MYRIP: variants seen among roughly 807,000 people sequenced by gnomAD.
The protein encoded by MYRIP is myosin VIIA and Rab interacting protein.
A neutral mutation model predicts 98.0 loss-of-function variants in MYRIP; 49 were observed. That is an observed-to-expected ratio of 0.50 (90% CI 0.40 to 0.63). The LOEUF (loss-of-function observed/expected upper bound fraction) is 0.63, where lower values mean the gene tolerates loss of function less well. MYRIP is among the 30% of genes least tolerant of loss of function. The pLI is 0.00. For missense variants in MYRIP, 1,004 were observed against 1,058.2 expected (o/e 0.95, Z 0.71); for synonymous variants, 404 against 409.5 (o/e 0.99, Z 0.16).
At chr3:40,135,685 T>A (rs1395294120) in intron 3 of MYRIP, among the ~76,000 whole-genome samples, 5 of 152,244 alleles carry the variant, frequency 3.3e-5, no homozygotes, top group Non-Finnish European at 7.3e-5. Flanking sequence ...AGCTGATCTC[T>A]CCGCAGAAAC....
At chr3:40,226,042 C>T (rs1029440530) in intron 11 of MYRIP, among the ~76,000 whole-genome samples, 1 of 152,144 alleles carries the variant, frequency 6.6e-6, no homozygotes, top group South Asian at 2.1e-4. Flanking sequence ...CTGTCACCAA[C>T]TTCTTGATTG....
rs7428174 is a variant in MYRIP, at chr3:40,256,885, G to A, written c.2548-1249G>A. On this transcript the variant is annotated intron_variant, in intron 16 of 16. Coordinates refer to ENST00000302541, the MANE Select transcript of MYRIP (RefSeq NM_015460.4). Reference sequence around the variant, plus strand: ...AACCTCAATCATGAAAGCCTGCTCCGTGGCTGGTAAGCATGTATACATGTT... The same window carrying A: ...AACCTCAATCATGAAAGCCTGCTCCATGGCTGGTAAGCATGTATACATGTT... 4.5e-3 allele frequency among the ~76,000 whole-genome samples: 686 copies of A among 152,104 alleles called. 28 individuals are homozygous for A. The East Asian group carries it at 0.11, about 24-fold the overall frequency.
chr3:40,248,382 C>T (rs1953269185), intron 13 of MYRIP: 1 of 152,232 alleles, frequency 6.6e-6, no homozygotes, highest in Non-Finnish European at 1.5e-5. Context: ...ATCTTGTGGA[C>T]ATGGAGCTCT....
rs1191047874 is a variant in MYRIP, at chr3:40,166,834, T to C, written c.551-12T>C. 1.9e-6 allele frequency: 3 copies of C among 1,575,528 alleles called. No individual in the cohort carries two copies. Among genetic ancestry groups the C allele is most frequent in the African/African-American group, 1.3e-5 (1 of 74,258 alleles). On this transcript the variant is annotated splice_polypyrimidine_tract_variant and intron_variant, in intron 5 of 16. Transcript: ENST00000302541. Reference sequence around the variant, plus strand: ...CCTTTTAGAAATGCTCTTTGTTCTGTTTCCTGTCTAGGACATAGTGTGATG... The same window carrying C: ...CCTTTTAGAAATGCTCTTTGTTCTGCTTCCTGTCTAGGACATAGTGTGATG...
chr3:39,991,211 G>A (rs1031641444), intron 2 of MYRIP, among the ~76,000 whole-genome samples: 12 of 152,142 alleles, frequency 7.9e-5, no homozygotes, highest in Admixed American at 5.9e-4. Context: ...TGTCTGCCTC[G>A]ATAAGCTTCT....
chr3:40,108,830 A>C (rs1949102753), intron 3 of MYRIP, among the ~76,000 whole-genome samples: 3 of 152,148 alleles, frequency 2.0e-5, no homozygotes, highest in African/African-American at 7.2e-5. Flanking sequence ...GAGACTGCCA[A>C]TTCCTAGAGA....
At chr3:40,086,263 G>A (rs571707618) in intron 3 of MYRIP, among the ~76,000 whole-genome samples, 4 of 152,262 alleles carry the variant, frequency 2.6e-5, no homozygotes, top group African/African-American at 7.2e-5. Context: ...AACTTCTCAC[G>A]GTCTGAAAGG....
intron 3 of MYRIP, among the ~76,000 whole-genome samples, chr3:40,112,593 G>A (rs927128809): frequency 1.3e-5 from 2 of 152,156 alleles, no homozygotes; most frequent in Non-Finnish European, 2.9e-5. Flanking sequence ...GCCTGAGCTC[G>A]CATGATCCAA....
intron 3 of MYRIP, among the ~76,000 whole-genome samples, chr3:40,150,343 G>A (rs1454995531): frequency 2.0e-5 from 3 of 152,000 alleles, no homozygotes; most frequent in Non-Finnish European, 2.9e-5. Context: ...CACCTGCCTC[G>A]GCCTTCCAAA....
At chr3:40,028,097 C>T (rs917414443) in intron 2 of MYRIP, among the ~76,000 whole-genome samples, 4 of 152,158 alleles carry the variant, frequency 2.6e-5, no homozygotes, top group Non-Finnish European at 5.9e-5. Flanking sequence ...ATGGCAGACA[C>T]TGCTACCTCA....
chr3:40,023,511 CTG>C (rs1947048641), intron 2 of MYRIP, among the ~76,000 whole-genome samples: 4 of 24 alleles, frequency 0.17, no homozygotes, highest in African/African-American at 0.25. Context: ...GATGACATCA[CTG>C]CTGCTGCTGC....
At chr3:39,926,436 C>G (rs901675085) in intron 2 of MYRIP, among the ~76,000 whole-genome samples, 1 of 151,834 alleles carries the variant, frequency 6.6e-6, no homozygotes, top group African/African-American at 2.4e-5. Context: ...TGGTGTTTCC[C>G]AGGTTTTCTT....
Position 40,259,965 on chromosome 3 carries a change from C to CA in MYRIP, c.*1805dup, listed in dbSNP as rs1023175454. ...ATGTGTACTGTGTAAGCCTTGCAAA[C>CA]AAAAAACAACAAAAAAGAAGCAGCA... On this transcript the variant is annotated 3_prime_UTR_variant, in exon 17 of 17. Coordinates refer to ENST00000302541, the MANE Select transcript of MYRIP (RefSeq NM_015460.4). 7.4e-5 allele frequency: 11 copies of CA among 147,712 alleles called. No individual in the cohort carries two copies. The highest frequency in any genetic ancestry group is 1.3e-4 in the Non-Finnish European group (9 of 67,864). 9.2% of individuals were successfully genotyped at this position (147,712 alleles called of 1,614,324 possible).
At chr3:40,011,640 G>A (rs1380003967) in intron 2 of MYRIP, among the ~76,000 whole-genome samples, 1 of 152,156 alleles carries the variant, frequency 6.6e-6, no homozygotes, top group Non-Finnish European at 1.5e-5. Context: ...GCAGCTGAAG[G>A]CAAACACAGT....
chr3:40,005,726 G>C (rs778888649), intron 2 of MYRIP, among the ~76,000 whole-genome samples: 1 of 152,128 alleles, frequency 6.6e-6, no homozygotes, highest in Admixed American at 6.5e-5. Context: ...CCCGTCTTTT[G>C]AGTATCTTGT....
chr3:39,898,624 G>A (rs1427742596), intron 1 of MYRIP, among the ~76,000 whole-genome samples: 1 of 152,078 alleles, frequency 6.6e-6, no homozygotes, highest in East Asian at 1.9e-4. Flanking sequence ...TCAAATCCCA[G>A]GTTGCCATTG....
intron 2 of MYRIP, among the ~76,000 whole-genome samples, chr3:39,919,696 GTGT>G (rs1559522267): frequency 8.9e-5 from 6 of 67,284 alleles, no homozygotes; most frequent in Non-Finnish European, 1.5e-4. Context: ...TATGTGTGGT[GTGT>G]GTGTGTGTGT....
chr3:40,110,341 C>G (rs543289054), intron 3 of MYRIP, among the ~76,000 whole-genome samples: 5 of 152,174 alleles, frequency 3.3e-5, no homozygotes, highest in African/African-American at 1.2e-4. Context: ...GAAAAAAAGG[C>G]CTTTCCAGTC....
intron 3 of MYRIP, among the ~76,000 whole-genome samples, chr3:40,098,644 A>G (rs878971123): frequency 1.3e-5 from 2 of 151,870 alleles, no homozygotes; most frequent in Admixed American, 1.3e-4. Context: ...ATTCTTCCTG[A>G]TCAAATATTC....
Sources: gnomAD v4.1 joint callset for allele counts (sites outside exome capture counted in the v4.1 genomes callset) on GRCh38, gnomAD v4.1.1 for gene constraint, MANE v1.5 for transcripts, NCBI Gene and HGNC (gene_info 2026-07-23, HGNC 2026-07-21) for gene names.